Variants in RAP1A observed in about 807,000 individuals in gnomAD.
RAP1A encodes RAP1A, member of RAS oncogene family, also known as ras-related protein Rap-1A.
A neutral mutation model predicts 26.4 loss-of-function variants in RAP1A; 6 were observed. The ratio of observed to expected loss-of-function variants is 0.23; its 90% confidence interval spans 0.12 to 0.45. The LOEUF is 0.45. Ranked by LOEUF, RAP1A falls within the 20% of genes least tolerant of loss-of-function variation. RAP1A has a pLI of 0.99. For missense variants in RAP1A, 121 were observed against 217.2 expected, an observed-to-expected ratio of 0.56 and a Z score of 2.78; for synonymous variants, 73 against 79.4, an observed-to-expected ratio of 0.92 and a Z score of 0.43.
chr1:111,545,956 T>C (rs1010911472), intron 1 of RAP1A, among the ~76,000 whole-genome samples: 1 of 152,178 alleles, frequency 6.6e-6, no homozygotes, highest in African/African-American at 2.4e-5. Flanking sequence ...TTCTGAACTT[T>C]CGGTTTAATT....
intron 4 of RAP1A, among the ~76,000 whole-genome samples, chr1:111,699,655 A>C (rs1661957408): frequency 6.7e-6 from 1 of 150,224 alleles, no homozygotes. Context: ...TTTTTTGTAG[A>C]GACAGGGTCT....
At chr1:111,583,876 C>CTTTTTTT (rs71099920) in intron 1 of RAP1A, among the ~76,000 whole-genome samples, 3 of 90,112 alleles carry the variant, frequency 3.3e-5, no homozygotes, top group African/African-American at 1.1e-4. Flanking sequence ...ATTGTTATTT[C>CTTTTTTT]TTTTTTTTTT....
At chr1:111,660,103 GT>G (rs1660583484) in intron 1 of RAP1A, among the ~76,000 whole-genome samples, 1 of 152,174 alleles carries the variant, frequency 6.6e-6, no homozygotes, top group African/African-American at 2.4e-5. Flanking sequence ...ATGTCTGCTG[GT>G]GACAAATTCT....
intron 1 of RAP1A, among the ~76,000 whole-genome samples, chr1:111,584,707 A>G (rs903689873): frequency 6.6e-6 from 1 of 152,196 alleles, no homozygotes; most frequent in Non-Finnish European, 1.5e-5. Context: ...ATGTCTCTAG[A>G]GAAATTCATA....
intron 1 of RAP1A, among the ~76,000 whole-genome samples, chr1:111,586,952 T>C (rs1374801427): frequency 6.6e-6 from 1 of 152,128 alleles, no homozygotes; most frequent in East Asian, 1.9e-4. Context: ...CTCTCATGCC[T>C]CTATCAGACT....
chr1:111,554,970 T>G (rs1007801969), intron 1 of RAP1A, among the ~76,000 whole-genome samples: 1 of 151,782 alleles, frequency 6.6e-6, no homozygotes, highest in African/African-American at 2.4e-5. Flanking sequence ...AGACTTTAAA[T>G]GTAGTTATTA....
intron 6 of RAP1A, 84 bp downstream of exon 6, chr1:111,704,570 TTA>T: frequency 7.3e-7 from 1 of 1,374,504 alleles, no homozygotes; most frequent in East Asian, 2.5e-5. Context: ...GAAAAAATTT[TTA>T]TCTTTTAAGC....
chr1:111,583,872 A>C (rs1445011678), intron 1 of RAP1A, among the ~76,000 whole-genome samples: 1 of 120,394 alleles, frequency 8.3e-6, no homozygotes, highest in Non-Finnish European at 1.7e-5. Flanking sequence ...TACAATTGTT[A>C]TTTCTTTTTT....
At chr1:111,608,064 C>T (rs547357535) in intron 1 of RAP1A, 119 of 157,382 alleles carry the variant, frequency 7.6e-4, no homozygotes, top group Non-Finnish European at 1.5e-3. Flanking sequence ...CCCTCCCGGA[C>T]GGGGTGGTTG....
At chr1:111,602,338 T>C (rs1357856557) in intron 1 of RAP1A, 1 of 152,266 alleles carries the variant, frequency 6.6e-6, no homozygotes, top group African/African-American at 2.4e-5. Flanking sequence ...GGTTTCCTAA[T>C]TGCAAGAGCC....
At chr1:111,565,834 TCACATTATATTTCTACTGGACAG>T (rs1238012253) in intron 1 of RAP1A, among the ~76,000 whole-genome samples, 4 of 152,034 alleles carry the variant, frequency 2.6e-5, no homozygotes, top group Non-Finnish European at 4.4e-5. Context: ...AATATGTGGC[TCACATTATATTTCTACTGGACAG>T]CACATTATAT....
intron 1 of RAP1A, among the ~76,000 whole-genome samples, chr1:111,670,986 A>G (rs1034578790): frequency 1.3e-5 from 2 of 152,268 alleles, no homozygotes; most frequent in East Asian, 1.9e-4. Flanking sequence ...AATGAATCAC[A>G]TAACTCTGCT....
At chr1:111,704,950 C>T (rs1041486533) in intron 6 of RAP1A, among the ~76,000 whole-genome samples, 1 of 151,960 alleles carries the variant, frequency 6.6e-6, no homozygotes, top group Non-Finnish European at 1.5e-5. Flanking sequence ...TGGGTATGGA[C>T]ATGTACCTGG....
chr1:111,567,851 T>G (rs535775438), intron 1 of RAP1A, among the ~76,000 whole-genome samples: 142 of 152,344 alleles, frequency 9.3e-4, no homozygotes, highest in African/African-American at 3.3e-3. Flanking sequence ...TCTGTCACCT[T>G]GATCTTGGTC....
At chr1:111,658,322 C>T (rs1206360450) in intron 1 of RAP1A, among the ~76,000 whole-genome samples, 6 of 152,096 alleles carry the variant, frequency 3.9e-5, no homozygotes, top group Non-Finnish European at 7.4e-5. Flanking sequence ...CCAGCCTGGG[C>T]AACAGAGTGA....
intron 1 of RAP1A, among the ~76,000 whole-genome samples, chr1:111,630,012 C>T (rs577454692): frequency 1.3e-5 from 2 of 152,334 alleles, no homozygotes; most frequent in South Asian, 4.1e-4. Flanking sequence ...GGCATTGCCA[C>T]TATGATGGCC....
At chr1:111,559,325 C>A (rs1657637006) in intron 1 of RAP1A, among the ~76,000 whole-genome samples, 1 of 152,108 alleles carries the variant, frequency 6.6e-6, no homozygotes, top group Non-Finnish European at 1.5e-5. Context: ...GGAATTTATT[C>A]ATGCATTAAA....
At chr1:111,549,649 C>CAAAAAA (rs370585012) in intron 1 of RAP1A, among the ~76,000 whole-genome samples, 1 of 94,430 alleles carries the variant, frequency 1.1e-5, no homozygotes, top group East Asian at 2.7e-4. Context: ...GACTCTGTTT[C>CAAAAAA]AAAAAAAAAA....
chr1:111,691,675 G>A (rs1475045911), intron 2 of RAP1A, among the ~76,000 whole-genome samples: 1 of 152,194 alleles, frequency 6.6e-6, no homozygotes, highest in Admixed American at 6.5e-5. Context: ...ATGCAGAGAG[G>A]AGTAAGATTG....
Sources: gnomAD v4.1 joint callset for allele counts (sites outside exome capture counted in the v4.1 genomes callset) on GRCh38, gnomAD v4.1.1 for gene constraint, MANE v1.5 for transcripts, NCBI Gene and HGNC (gene_info 2026-07-23, HGNC 2026-07-21) for gene names.